The following SEMA6A variants were observed in gnomAD, a reference collection of about 807,000 sequenced individuals.
The protein encoded by SEMA6A is semaphorin-6A.
Under a neutral mutation model 96.8 loss-of-function variants are expected in SEMA6A, and 25 were observed. The ratio of observed to expected loss-of-function variants is 0.26; its 90% CI spans 0.19 to 0.36. The LOEUF is 0.36. Ranked by LOEUF, SEMA6A falls within the 10% of genes least tolerant of loss-of-function variation. SEMA6A has a pLI of 1.00. For synonymous variants in SEMA6A, 612 were observed against 518.0 expected (o/e 1.18, Z -2.46); for missense variants, 1,363 against 1,323.1 (o/e 1.03, Z -0.47).
intron 1 of SEMA6A, among the ~76,000 whole-genome samples, chr5:116,551,148 G>A (rs368331444): frequency 2.0e-5 from 3 of 152,118 alleles, no homozygotes; most frequent in Non-Finnish European, 4.4e-5. Context: ...TACAGGTCAT[G>A]ACCAAATAGA....
chr5:116,551,882 A>T (rs1439035866), intron 1 of SEMA6A, among the ~76,000 whole-genome samples: 2 of 152,220 alleles, frequency 1.3e-5, no homozygotes, highest in African/African-American at 4.8e-5. Flanking sequence ...TGACAATGTA[A>T]CGTATCAGGA....
At chr5:116,485,577 T>C (rs1266409409) in intron 10 of SEMA6A, among the ~76,000 whole-genome samples, 2 of 152,240 alleles carry the variant, frequency 1.3e-5, no homozygotes, top group South Asian at 2.1e-4. Context: ...CGCTGTATAA[T>C]TGAGGAACAT....
At chr5:116,536,617 AAAC>A (rs975912651) in intron 1 of SEMA6A, among the ~76,000 whole-genome samples, 41 of 152,206 alleles carry the variant, frequency 2.7e-4, no homozygotes, top group Non-Finnish European at 4.6e-4. Flanking sequence ...AAACAACAAA[AAAC>A]AACAACTGCC....
At chr5:116,543,598 C>G (rs1760063882) in intron 1 of SEMA6A, among the ~76,000 whole-genome samples, 1 of 152,228 alleles carries the variant, frequency 6.6e-6, no homozygotes, top group Admixed American at 6.5e-5. Context: ...GTGGTCAAGA[C>G]TGATTAATAC....
At chr5:116,453,972 C>A (rs972107195) in intron 18 of SEMA6A, among the ~76,000 whole-genome samples, 16 of 152,140 alleles carry the variant, frequency 1.1e-4, no homozygotes, top group African/African-American at 3.9e-4. Flanking sequence ...CCAATTACCA[C>A]CCTAAGCGTG....
intron 16 of SEMA6A, among the ~76,000 whole-genome samples, chr5:116,474,285 C>CAG (rs960614255): frequency 1.0e-4 from 15 of 150,504 alleles, no homozygotes; most frequent in Non-Finnish European, 1.5e-4. Context: ...CATGCACACA[C>CAG]ACACACACAC....
At chr5:116,478,492 A>ATAAT (rs1561483851) in intron 13 of SEMA6A, 50 bp downstream of exon 13, 1 of 1,511,830 alleles carries the variant, frequency 6.6e-7, no homozygotes, top group East Asian at 2.4e-5. Flanking sequence ...GAAAGGGGCC[A>ATAAT]TAATAGCATA....
At chr5:116,539,766 T>C (rs374774408) in intron 1 of SEMA6A, among the ~76,000 whole-genome samples, 26 of 152,318 alleles carry the variant, frequency 1.7e-4, no homozygotes, top group African/African-American at 6.0e-4. Flanking sequence ...TTCAGGATTT[T>C]TGCAGTTCAG....
Position 116,488,790 on chromosome 5 carries a change from CAAATG to C in SEMA6A, c.655+93_655+97del, listed in dbSNP as rs954325625. ...TTTCTGTCTGTCAGAAGCCATTACT[CAAATG>C]AAGATACAGTCTGGTCCCTCCAGAC... On this transcript the variant is annotated intron_variant, in intron 8 of 18. Transcript: ENST00000343348. 5.2e-4 allele frequency: 701 copies of C among 1,340,774 alleles called. 3 individuals carry two copies. The African/African-American group carries it at 9.6e-3, about 18-fold the overall frequency. 83.1% of individuals were successfully genotyped at this position (1,340,774 alleles called of 1,614,324 possible). A position where few individuals can be genotyped will look rare whatever the true frequency, so the allele number is the denominator to read the frequency against.
chr5:116,490,658 A>G (rs1053633763), intron 7 of SEMA6A, among the ~76,000 whole-genome samples: 4 of 152,156 alleles, frequency 2.6e-5, no homozygotes, highest in African/African-American at 4.8e-5. Flanking sequence ...TAACTTGACA[A>G]TCTATCACTG....
chr5:116,482,143 A>G (rs931912404), intron 11 of SEMA6A, among the ~76,000 whole-genome samples: 2 of 152,166 alleles, frequency 1.3e-5, no homozygotes, highest in African/African-American at 4.8e-5. Flanking sequence ...AACTTGTACA[A>G]TACCCTTTAC....
chr5:116,516,718 T>A (rs1300364660), intron 1 of SEMA6A, among the ~76,000 whole-genome samples: 2 of 152,230 alleles, frequency 1.3e-5, no homozygotes, highest in Admixed American at 1.3e-4. Flanking sequence ...CATTTGCTTT[T>A]AATGTGAAAT....
chr5:116,479,599 T>G (rs1305282137), intron 12 of SEMA6A, among the ~76,000 whole-genome samples: 1 of 151,060 alleles, frequency 6.6e-6, no homozygotes, highest in Non-Finnish European at 1.5e-5. Context: ...CAAGGAAGAG[T>G]TTTTTAATAC....
intron 1 of SEMA6A, among the ~76,000 whole-genome samples, chr5:116,554,178 G>A (rs1366024086): frequency 3.9e-5 from 6 of 152,052 alleles, no homozygotes; most frequent in Non-Finnish European, 5.9e-5. Context: ...ATTATTTGCC[G>A]GCACATAGAT....
At chr5:116,469,384 G>T (rs960394281) in intron 17 of SEMA6A, 11 of 152,140 alleles carry the variant, frequency 7.2e-5, no homozygotes, top group African/African-American at 2.7e-4. Context: ...ATCAGCCTGA[G>T]AAATGGAAAT....
intron 1 of SEMA6A, among the ~76,000 whole-genome samples, chr5:116,541,235 A>G (rs1759949879): frequency 6.6e-6 from 1 of 152,222 alleles, no homozygotes; most frequent in South Asian, 2.1e-4. Flanking sequence ...TGCATTCTAA[A>G]TTCAAAGTAT....
chr5:116,510,805 A>C (rs534266863), intron 1 of SEMA6A, among the ~76,000 whole-genome samples: 31 of 152,220 alleles, frequency 2.0e-4, no homozygotes, highest in African/African-American at 7.2e-4. Context: ...AGTCACACAA[A>C]CATGGTGTGG....
intron 1 of SEMA6A, among the ~76,000 whole-genome samples, chr5:116,513,933 A>C (rs766417267): frequency 6.6e-6 from 1 of 152,140 alleles, no homozygotes; most frequent in Non-Finnish European, 1.5e-5. Flanking sequence ...CTCCAGCTCC[A>C]TCCATGTCCC....
intron 1 of SEMA6A, among the ~76,000 whole-genome samples, chr5:116,554,473 A>C (rs1195260800): frequency 2.0e-5 from 3 of 152,216 alleles, no homozygotes; most frequent in African/African-American, 7.2e-5. Flanking sequence ...TATTTGCACA[A>C]AACTACATCA....
Sources: allele counts gnomAD v4.1 joint callset (sites outside exome capture counted in the v4.1 genomes callset), GRCh38; gene constraint gnomAD v4.1.1; transcripts MANE v1.5; gene names NCBI Gene and HGNC (gene_info 2026-07-23, HGNC 2026-07-21).